GOLGA2: variants seen among roughly 807,000 people sequenced by gnomAD.
GOLGA2 encodes golgin A2.
GOLGA2 carries 49 observed loss-of-function variants against 148.8 expected under a neutral mutation model. The observed-to-expected ratio is 0.33, with a 90% CI of 0.26 to 0.42. The LOEUF is 0.42. GOLGA2 is among the 10% of genes least tolerant of loss of function. The pLI, the probability that GOLGA2 is intolerant of heterozygous loss-of-function variation, is 1.00. For synonymous variants in GOLGA2, 501 were observed against 511.8 expected, an observed-to-expected ratio of 0.98 and a Z score of 0.28; for missense variants, 1,178 against 1,304.6, an observed-to-expected ratio of 0.90 and a Z score of 1.49.
chr9:128,259,745 C>T lies in GOLGA2; in HGVS notation c.1872+331G>A, dbSNP rs76100887. 5.0e-3 allele frequency among the ~76,000 whole-genome samples: 766 copies of T among 152,346 alleles called. 3 individuals carry two copies. The highest frequency in any genetic ancestry group is 9.0e-3 in the Admixed American group (138 of 15,300). On this transcript the variant is annotated intron_variant, in intron 19 of 26. Coordinates refer to ENST00000611957, the MANE Select transcript of GOLGA2 (RefSeq NM_001366244.2). ...CCTTTTTAAGTTAAAGAAACTGGGG[C>T]TTAGAGATGCAAAGTAGTTGAATGA... is the stretch of plus-strand genomic sequence containing the variant.
chr9:128,269,797 G>A (rs936872153), intron 3 of GOLGA2, among the ~76,000 whole-genome samples: 7 of 152,170 alleles, frequency 4.6e-5, no homozygotes, highest in South Asian at 2.1e-4. Flanking sequence ...AGGACTGCGC[G>A]CTCACTGGAC....
Position 128,276,002 on chromosome 9 carries a change from G to C in GOLGA2, c.-26C>G, listed in dbSNP as rs771565852. The C allele has an allele frequency of 1.9e-6, 3 of 1,596,240 alleles. No individual in the cohort carries two copies. The East Asian group carries it at 6.7e-5, about 36-fold the overall frequency. On this transcript the variant is annotated 5_prime_UTR_variant, in exon 1 of 27. Transcript: ENST00000611957. ...CAGCGCGATCCCGGCAACCACTGCG[G>C]AAGTCAGTCAGCCACCGCGCAGCTG...
At chr9:128,262,499 G>T in intron 14 of GOLGA2, 64 bp downstream of exon 14, 1 of 1,512,324 alleles carries the variant, frequency 6.6e-7, no homozygotes, top group South Asian at 1.2e-5. Context: ...TGCCCTGCAT[G>T]ATCCCTAGAC....
chr9:128,263,892 C>T lies in GOLGA2; in HGVS notation c.934-800G>A, dbSNP rs577827893. Among the ~76,000 whole-genome samples the T allele has an allele frequency of 3.3e-5, 5 of 150,246 alleles. No individual in the cohort carries two copies. The South Asian group carries it at 6.4e-4, about 19-fold the overall frequency. On this transcript the variant is annotated intron_variant, in intron 12 of 26. Coordinates refer to ENST00000611957, the MANE Select transcript of GOLGA2 (RefSeq NM_001366244.2). Reference sequence around the variant, plus strand: ...GTAAGGGTGGCCGGGTGCGGTGGCTCACGCCTGTAATCCTGGCACTTTGGG... The same window carrying T: ...GTAAGGGTGGCCGGGTGCGGTGGCTTACGCCTGTAATCCTGGCACTTTGGG...
chr9:128,266,852 C>T lies in GOLGA2; in HGVS notation c.642+342G>A. 2.4e-6 allele frequency: 1 copy of T among 418,140 alleles called. No individual in the cohort carries two copies. Among genetic ancestry groups the T allele is most frequent in the Non-Finnish European group, 4.4e-6 (1 of 229,200 alleles). The allele number at this position is 418,140 out of a possible 1,614,324, so 25.9% of individuals were successfully genotyped here. ...GCCCAAGGAGGAGAGGTGGCTTGTC[C>T]CAAATCAAAGAGCAAATTAAGGACT... On this transcript the variant is annotated intron_variant, in intron 8 of 26. Transcript: ENST00000611957. This position sits in a 1 kb window ranked among gnomAD's most constrained non-coding sequence, Gnocchi z 4.2.
At position 128,257,643 on chromosome 9, in the gene GOLGA2, C is replaced by T. The variant is rs73672479; in HGVS notation, c.2676G>A (p.Glu892=). The part of the protein sequence containing the change: ...AVLKERHREK[E]EYISRLAQDK... ...CTTGGGCCAGCCTGCTGATGTACTC[C>T]TCCTTCTCCCGGTGCCGCTCCTTCA... Residue 892 remains glutamate (E), a synonymous_variant, in exon 25 of 27, where the codon GAG becomes GAA. Coordinates refer to ENST00000611957, the MANE Select transcript of GOLGA2 (RefSeq NM_001366244.2). This position sits in a 1 kb window ranked among gnomAD's most constrained non-coding sequence, Gnocchi z 8.0. 9,760 of 1,614,148 alleles carry T rather than the reference C, an allele frequency of 6.0e-3. 498 individuals carry two copies. In the African/African-American group the frequency reaches 0.12, roughly 19 times the overall value.
At chr9:128,267,737 T>C (rs1348716583) in intron 6 of GOLGA2, among the ~76,000 whole-genome samples, 197 bp downstream of exon 6, 3 of 152,204 alleles carry the variant, frequency 2.0e-5, no homozygotes, top group Non-Finnish European at 4.4e-5. Flanking sequence ...GATACAATGA[T>C]GCAACCAGTC....
chr9:128,267,841 C>T, intron 6 of GOLGA2, 93 bp downstream of exon 6: 1 of 1,039,388 alleles, frequency 9.6e-7, no homozygotes, highest in Non-Finnish European at 1.5e-6. Flanking sequence ...TGGCTGGTCC[C>T]AGGATCTTCC....
Position 128,258,518 on chromosome 9 carries a change from C to T in GOLGA2, c.2226G>A (p.Glu742=). 9.7e-7 allele frequency: 1 copy of T among 1,033,102 alleles called. No homozygotes were observed. Among genetic ancestry groups the T allele is most frequent in the Non-Finnish European group, 1.2e-6 (1 of 826,022 alleles). The allele number at this position is 1,033,102 out of a possible 1,614,324, so 64.0% of individuals were successfully genotyped here. A position where few individuals can be genotyped will look rare whatever the true frequency, so the allele number is the denominator to read the frequency against. ...GCATGGGCTGAGGTACTGCCACCGC[C>T]TCCTCCTCCTCCTCCTCCTCATCCT... The part of the protein sequence containing the change: ...EEEDEEEEEE[E]AVAVPQPMPS... The change falls in exon 22 of 27, where the codon GAG becomes GAA. Residue 742 remains glutamate, a synonymous_variant. Coordinates refer to ENST00000611957, the MANE Select transcript of GOLGA2 (RefSeq NM_001366244.2). The surrounding 1 kb of genome is among the most constrained non-coding windows in gnomAD (Gnocchi z 6.6).
In GOLGA2 at chr9:128,257,905, T is replaced by C; in HGVS notation, c.2509-13A>G. 1 of 1,613,252 alleles carries C rather than the reference T, an allele frequency of 6.2e-7. No homozygotes were observed. The highest frequency in any genetic ancestry group is 8.5e-7 in the Non-Finnish European group (1 of 1,179,266). ...CCATAAAGCGGCTCTGGAACCAAAATAATGGAGTCATATATCGGCAGCGAC... is the reference window on the plus strand; with the variant it reads ...CCATAAAGCGGCTCTGGAACCAAAACAATGGAGTCATATATCGGCAGCGAC... On this transcript the variant is annotated splice_polypyrimidine_tract_variant and intron_variant, in intron 23 of 26. Coordinates refer to ENST00000611957, the MANE Select transcript of GOLGA2 (RefSeq NM_001366244.2). The surrounding 1 kb of genome is among the most constrained non-coding windows in gnomAD (Gnocchi z 8.0).
intron 1 of GOLGA2, 37 bp downstream of exon 1, chr9:128,275,856 G>C: frequency 1.8e-6 from 2 of 1,117,672 alleles, no homozygotes; most frequent in South Asian, 2.7e-5. Flanking sequence ...AGTGGGGCTG[G>C]GGCTGGGTCG....
rs78480712 is a variant in GOLGA2 at position 128,269,300 on chromosome 9, G to T, written c.289-776C>A. Among the ~76,000 whole-genome samples the T allele has an allele frequency of 9.4e-4, 142 of 151,146 alleles. 2 individuals carry two copies. In the East Asian group the frequency reaches 0.025, roughly 27 times the overall value. On this transcript the variant is annotated intron_variant, in intron 3 of 26. Coordinates refer to ENST00000611957, the MANE Select transcript of GOLGA2 (RefSeq NM_001366244.2). ...TTTTCAGGGGGAAAAAAAAAAAGCT[G>T]CCCAACTAGAAGACTCTCTCCAACT...
Position 128,260,819 on chromosome 9 carries a change from A to G in GOLGA2, c.1421-17T>C. The G allele has an allele frequency of 6.5e-7, 1 of 1,542,050 alleles. No individual in the cohort carries two copies. Among genetic ancestry groups the G allele is most frequent in the East Asian group, 2.3e-5 (1 of 44,416 alleles). ...GGGGTTCAGCTGAGAAAGGACGCAG[A>G]CAATAAAAGCCTCTGGATTCTCAAA... On this transcript the variant is annotated splice_polypyrimidine_tract_variant and intron_variant, in intron 17 of 26. Coordinates refer to ENST00000611957, the MANE Select transcript of GOLGA2 (RefSeq NM_001366244.2). This position sits in a 1 kb window ranked among gnomAD's most constrained non-coding sequence, Gnocchi z 4.8.
chr9:128,273,821 C>A, intron 2 of GOLGA2, 29 bp downstream of exon 2: 1 of 1,612,340 alleles, frequency 6.2e-7, no homozygotes, highest in Non-Finnish European at 8.5e-7. Context: ...GGCCCCCTGT[C>A]CCCAGGAGCC....
Position 128,271,481 on chromosome 9 carries a change from A to C in GOLGA2, c.288+1304T>G, listed in dbSNP as rs923015315. Among the ~76,000 whole-genome samples the C allele has an allele frequency of 6.6e-6, 1 of 152,148 alleles. No homozygotes were observed. The highest frequency in any genetic ancestry group is 2.4e-5 in the African/African-American group (1 of 41,438). On this transcript the variant is annotated intron_variant, in intron 3 of 26. Coordinates refer to ENST00000611957, the MANE Select transcript of GOLGA2 (RefSeq NM_001366244.2). This position sits in a 1 kb window ranked among gnomAD's most constrained non-coding sequence, Gnocchi z 4.4. Reference sequence around the variant, plus strand: ...TTAGAGATGGAAGAAATGCCAAATCACAGCCAGAGGAGGTTGTCTCCCAGC... The same window carrying C: ...TTAGAGATGGAAGAAATGCCAAATCCCAGCCAGAGGAGGTTGTCTCCCAGC...
chr9:128,270,198 A>C (rs899760396), intron 3 of GOLGA2, among the ~76,000 whole-genome samples: 1 of 141,012 alleles, frequency 7.1e-6, no homozygotes, highest in Non-Finnish European at 1.5e-5. Context: ...TAGTGGCGAG[A>C]TCTCCACTCA....
Position 128,272,821 on chromosome 9 carries a change from G to T in GOLGA2, c.252C>A (p.Ser84=). The T allele has an allele frequency of 7.8e-7, 1 of 1,282,022 alleles. No homozygotes were observed. Among genetic ancestry groups the T allele is most frequent in the Non-Finnish European group, 1.0e-6 (1 of 984,002 alleles). 79.4% of individuals were successfully genotyped at this position (1,282,022 alleles called of 1,614,324 possible). A position where few individuals can be genotyped will look rare whatever the true frequency, so the allele number is the denominator to read the frequency against. ...LKVLVSDLNR[S]NGVALPPLDK... Reference sequence around the variant, plus strand: ...CCAATGGGGGGAGCGCTACCCCATTGGAACGGTTAAGGTCGGACACCAGCA... The same window carrying T: ...CCAATGGGGGGAGCGCTACCCCATTTGAACGGTTAAGGTCGGACACCAGCA... Residue 84 remains serine (S), a synonymous_variant, in exon 3 of 27, where the codon TCC becomes TCA. Transcript: ENST00000611957.
At position 128,260,531 on chromosome 9, in the gene GOLGA2, G is replaced by T; in HGVS notation, c.1692C>A (p.Arg564=). 9.9e-6 allele frequency: 16 copies of T among 1,613,386 alleles called. No homozygotes were observed. Among genetic ancestry groups the T allele is most frequent in the Non-Finnish European group, 1.4e-5 (16 of 1,180,000 alleles). ...TGAGCTCCCGGTTCTGGGAGAGTGC[G>T]CGGCTGATGGTAGTGCGGTCGTTCT... ...TMQNDRTTIS[R]ALSQNRELKE... is the part of the protein sequence containing the mutation. Residue 564 remains arginine (R), a synonymous_variant, in exon 18 of 27, where the codon CGC becomes CGA. Transcript: ENST00000611957. This position sits in a 1 kb window ranked among gnomAD's most constrained non-coding sequence, Gnocchi z 4.8.
intron 3 of GOLGA2, 48 bp from the exon 4 acceptor site, chr9:128,268,572 C>G: frequency 1.0e-6 from 1 of 979,402 alleles, no homozygotes; most frequent in South Asian, 1.3e-5. Context: ...GGGAGAGGTG[C>G]CTCAGTACTA....
Sources: gnomAD v4.1 joint callset for allele counts (sites outside exome capture counted in the v4.1 genomes callset) on GRCh38, gnomAD v4.1.1 for gene constraint, Gnocchi (gnomAD v3.1) non-coding constraint, MANE v1.5 for transcripts, NCBI Gene and HGNC (gene_info 2026-07-23, HGNC 2026-07-21) for gene names.